The following MAEA variants were observed in gnomAD, a reference collection of about 807,000 sequenced individuals.
MAEA encodes the protein E3 ubiquitin-protein transferase MAEA.
In MAEA, 22 loss-of-function variants were observed where a neutral mutation model predicts 46.2. The observed-to-expected ratio is 0.48, with a 90% CI of 0.34 to 0.68. The LOEUF (loss-of-function observed/expected upper bound fraction) is 0.68. Ranked by LOEUF, MAEA falls within the 30% of genes least tolerant of loss-of-function variation. MAEA has a pLI of 0.01. For synonymous variants in MAEA, 246 were observed against 222.6 expected (o/e 1.11, Z -0.94); for missense variants, 393 against 558.1 (o/e 0.70, Z 2.98).
chr4:1,335,715 C>G (rs1020131806), intron 6 of MAEA: 28 of 985,302 alleles, frequency 2.8e-5, no homozygotes, highest in Non-Finnish European at 3.4e-5. Context: ...TAAGTCAGCA[C>G]TGGCCCCACA....
intron 1 of MAEA, among the ~76,000 whole-genome samples, chr4:1,303,420 T>C (rs1034140293): frequency 2.1e-5 from 2 of 93,630 alleles, no homozygotes; most frequent in African/African-American, 9.1e-5. Flanking sequence ...AAGAATGTCA[T>C]GTCCTTCTCG....
At chr4:1,295,365 C>T (rs1734532595) in intron 1 of MAEA, among the ~76,000 whole-genome samples, 1 of 152,062 alleles carries the variant, frequency 6.6e-6, no homozygotes, top group African/African-American at 2.4e-5. Context: ...GTGTTAATAC[C>T]ACATTTAGTG....
chr4:1,323,955 G>C (rs1354643303), intron 4 of MAEA, among the ~76,000 whole-genome samples: 1 of 152,100 alleles, frequency 6.6e-6, no homozygotes, highest in Non-Finnish European at 1.5e-5. Context: ...CCTGGTGTTG[G>C]ATAAGTTGAG....
Position 1,316,457 on chromosome 4 carries a change from G to T in MAEA, c.456+857G>T, listed in dbSNP as rs1020015326. Reference sequence around the variant, plus strand: ...TTAAGGTGGCGTCCGTGTTCCATTTGACTGAGATGACAACACTTGAGAACC... The same window carrying T: ...TTAAGGTGGCGTCCGTGTTCCATTTTACTGAGATGACAACACTTGAGAACC... On this transcript the variant is annotated intron_variant, in intron 3 of 8. Coordinates refer to ENST00000303400, the MANE Select transcript of MAEA (RefSeq NM_001017405.3). Among the ~76,000 whole-genome samples, 13 of 152,270 alleles carry T rather than the reference G, an allele frequency of 8.5e-5. 2 individuals carry two copies. Among genetic ancestry groups the T allele is most frequent in the East Asian group, 1.9e-4 (1 of 5,176 alleles).
chr4:1,310,266 G>A (rs1320834798), intron 1 of MAEA, among the ~76,000 whole-genome samples: 1 of 152,226 alleles, frequency 6.6e-6, no homozygotes, highest in Admixed American at 6.5e-5. Context: ...GTCTCGTTGA[G>A]CTCGCTTGCA....
At chr4:1,315,067 C>T (rs1055410089) in intron 2 of MAEA, among the ~76,000 whole-genome samples, 1 of 152,168 alleles carries the variant, frequency 6.6e-6, no homozygotes, top group Admixed American at 6.5e-5. Context: ...TTTAAAGTCA[C>T]CTTATAATGA....
At chr4:1,327,304 C>CCTG (rs1481015272) in intron 4 of MAEA, among the ~76,000 whole-genome samples, 3 of 152,240 alleles carry the variant, frequency 2.0e-5, no homozygotes, top group Non-Finnish European at 4.4e-5. Flanking sequence ...AGCAGCTGCA[C>CCTG]CTGCTGCTCT....
At chr4:1,298,645 C>T (rs956723518) in intron 1 of MAEA, among the ~76,000 whole-genome samples, 13 of 152,198 alleles carry the variant, frequency 8.5e-5, no homozygotes, top group African/African-American at 3.1e-4. Context: ...AGCTCACCCC[C>T]TCGGGCTCCT....
rs372509937 is a variant in MAEA at position 1,315,618 on chromosome 4, G to A, written c.456+18G>A. ...GCATCGAGGTGGGTGCCCGCCAGAC[G>A]CAGGCACAGCGCCCCAGCTGGCCCC... is the stretch of plus-strand genomic sequence containing the variant. On this transcript the variant is annotated intron_variant, in intron 3 of 8. Transcript: ENST00000303400. The A allele has an allele frequency of 1.1e-5, 18 of 1,611,074 alleles. No individual in the cohort carries two copies. The highest frequency in any genetic ancestry group is 3.3e-5 in the Admixed American group (2 of 59,870).
At chr4:1,305,757 ACGTGCG>A (rs1560338122) in intron 1 of MAEA, among the ~76,000 whole-genome samples, 12 of 127,694 alleles carry the variant, frequency 9.4e-5, no homozygotes, top group Admixed American at 3.8e-4. Flanking sequence ...GCGTGCGTGC[ACGTGCG>A]CACGCGTGCG....
intron 1 of MAEA, among the ~76,000 whole-genome samples, chr4:1,296,554 T>C (rs987581904): frequency 4.6e-5 from 7 of 151,062 alleles, no homozygotes; most frequent in Non-Finnish European, 1.0e-4. Flanking sequence ...CACTTGGTTC[T>C]CTCTCTGTTG....
intron 1 of MAEA, among the ~76,000 whole-genome samples, chr4:1,294,620 G>A (rs550187201): frequency 4.0e-5 from 6 of 151,666 alleles, no homozygotes; most frequent in Non-Finnish European, 8.8e-5. Flanking sequence ...AGCCTCCATC[G>A]GCCAGGTACG....
chr4:1,313,797 C>G (rs1166749365), intron 2 of MAEA, among the ~76,000 whole-genome samples: 2 of 152,012 alleles, frequency 1.3e-5, no homozygotes, highest in Non-Finnish European at 2.9e-5. Flanking sequence ...CTGTGGCTCA[C>G]TTTGGAAGGG....
chr4:1,307,788 G>A (rs1735978284), intron 1 of MAEA, among the ~76,000 whole-genome samples: 1 of 152,190 alleles, frequency 6.6e-6, no homozygotes, highest in Non-Finnish European at 1.5e-5. Context: ...CCAGCTCCAG[G>A]AGGGACAGGA....
At chr4:1,328,307 G>GT (rs1739105617) in intron 5 of MAEA, among the ~76,000 whole-genome samples, 3 of 152,226 alleles carry the variant, frequency 2.0e-5, no homozygotes, top group African/African-American at 7.2e-5. Context: ...CGTCTGCAAA[G>GT]GAAGAGAGGC....
At chr4:1,332,723 G>A (rs760601793) in intron 5 of MAEA, 34 bp from the exon 6 acceptor site, 8 of 1,555,060 alleles carry the variant, frequency 5.1e-6, no homozygotes, top group East Asian at 2.3e-5. Context: ...AAATTAAAAC[G>A]CAAACTTAAA....
rs1029111410 is a variant in MAEA at position 1,311,637 on chromosome 4, C to G, written c.70-342C>G. 2.0e-5 allele frequency among the ~76,000 whole-genome samples: 3 copies of G among 152,162 alleles called. No individual in the cohort carries two copies. The highest frequency in any genetic ancestry group is 4.4e-5 in the Non-Finnish European group (3 of 68,030). ...ATCACCGGCCAGGCCTGTGTTTTAC[C>G]GTCTGATAGCCTCACACCCCGGTCA... On this transcript the variant is annotated intron_variant, in intron 1 of 8. Coordinates refer to ENST00000303400, the MANE Select transcript of MAEA (RefSeq NM_001017405.3). This position sits in a 1 kb window ranked among gnomAD's most constrained non-coding sequence, Gnocchi z 4.4.
intron 4 of MAEA, among the ~76,000 whole-genome samples, chr4:1,325,247 A>G (rs1299839320): frequency 6.6e-6 from 1 of 152,142 alleles, no homozygotes; most frequent in Non-Finnish European, 1.5e-5. Flanking sequence ...TGGATTTCAC[A>G]GGCATGGGTG....
At chr4:1,329,253 G>T (rs1173657527) in intron 5 of MAEA, 8 of 982,862 alleles carry the variant, frequency 8.1e-6, no homozygotes, top group Non-Finnish European at 9.7e-6. Context: ...CTCCGTGTAG[G>T]GTCTGTTTAC....
Sources: allele counts gnomAD v4.1 joint callset (sites outside exome capture counted in the v4.1 genomes callset), GRCh38; gene constraint gnomAD v4.1.1; non-coding constraint Gnocchi (gnomAD v3.1); transcripts MANE v1.5; gene names NCBI Gene and HGNC (gene_info 2026-07-23, HGNC 2026-07-21).